Variants in NUP107 observed in about 807,000 individuals in gnomAD.
The protein encoded by NUP107 is nucleoporin 107.
Under a neutral mutation model 141.0 loss-of-function variants are expected in NUP107, and 101 were observed. That is an observed-to-expected ratio of 0.72 (90% CI 0.61 to 0.84). NUP107 has a LOEUF of 0.84. Among genes scored for constraint, NUP107 ranks in the 40% least tolerant of loss-of-function variants. The probability of loss-of-function intolerance (pLI) is 0.00; values close to 1 mark genes in which losing one functional copy is unlikely to be tolerated. For synonymous variants in NUP107, 319 were observed against 363.9 expected (o/e 0.88, Z 1.41); for missense variants, 941 against 1,102.7 (o/e 0.85, Z 2.08).
intron 14 of NUP107, among the ~76,000 whole-genome samples, chr12:68,720,635 C>T (rs921134791): frequency 6.6e-6 from 1 of 152,092 alleles, no homozygotes; most frequent in Admixed American, 6.6e-5. Context: ...GATAAGAAAA[C>T]TGGAAATACC....
chr12:68,730,422 T>C (rs1187880566), intron 20 of NUP107, among the ~76,000 whole-genome samples: 1 of 151,922 alleles, frequency 6.6e-6, no homozygotes, highest in East Asian at 1.9e-4. Flanking sequence ...TTTTGTCTTG[T>C]TGGCCAGGCT....
intron 26 of NUP107, among the ~76,000 whole-genome samples, chr12:68,736,769 C>G (rs1293661177): frequency 7.1e-6 from 1 of 140,282 alleles, no homozygotes; most frequent in Non-Finnish European, 1.5e-5. Flanking sequence ...GTCGCCCAGG[C>G]TGGAGTGCAA....
intron 26 of NUP107, among the ~76,000 whole-genome samples, chr12:68,735,714 C>A (rs1014083239): frequency 6.6e-6 from 1 of 152,126 alleles, no homozygotes; most frequent in African/African-American, 2.4e-5. Flanking sequence ...ATTTTAATGA[C>A]CTGGCAGACT....
intron 6 of NUP107, among the ~76,000 whole-genome samples, chr12:68,700,497 T>C (rs1876275856): frequency 6.6e-6 from 1 of 152,170 alleles, no homozygotes; most frequent in African/African-American, 2.4e-5. Context: ...AAATCAAGAG[T>C]ATGTTAGACT....
chr12:68,713,773 T>TA lies in NUP107; in HGVS notation c.935dup (p.Tyr312Ter), dbSNP rs1227949906. The TA allele has an allele frequency of 6.2e-7, 1 of 1,611,138 alleles. No individual in the cohort carries two copies. The highest frequency in any genetic ancestry group is 2.2e-5 in the East Asian group (1 of 44,728). The change falls in exon 11 of 28, where the codon TAC (tyrosine) becomes TAAC (stop). Residue 312 changes from tyrosine to a stop codon, truncating the protein, a stop_gained and frameshift_variant. Coordinates refer to ENST00000229179, the MANE Select transcript of NUP107 (RefSeq NM_020401.4). LOFTEE classifies it high-confidence loss of function. ...HTLKQRQLTS[Y>*]VGSVRPLVTE... ...CTTAAAACAACGGCAGCTGACTTCTTACGTTGGAAGTGTTCGTCCGCTTGT... is the reference window on the plus strand; with the variant it reads ...CTTAAAACAACGGCAGCTGACTTCTTAACGTTGGAAGTGTTCGTCCGCTTGT...
At chr12:68,734,622 G>A in intron 24 of NUP107, 86 bp from the exon 25 acceptor site, 2 of 1,044,456 alleles carry the variant, frequency 1.9e-6, no homozygotes, top group Non-Finnish European at 2.7e-6. Context: ...TTATTTCTAA[G>A]AATCAAATGT....
rs1878437983 is a variant in NUP107, at chr12:68,744,409, A to T, written c.*1947A>T. 1 of 152,102 alleles carries T rather than the reference A, an allele frequency of 6.6e-6. No homozygotes were observed. The highest frequency in any genetic ancestry group is 1.5e-5 in the Non-Finnish European group (1 of 68,020). 9.4% of individuals were successfully genotyped at this position (152,102 alleles called of 1,614,324 possible). ...TTATTTATTTATTTATTTTTGAGAC[A>T]TGGTCTTGCTCTGTCTCCCAGGCCG... is the stretch of plus-strand genomic sequence containing the variant. On this transcript the variant is annotated 3_prime_UTR_variant, in exon 28 of 28. Transcript: ENST00000229179.
intron 26 of NUP107, among the ~76,000 whole-genome samples, chr12:68,739,146 C>A (rs887751909): frequency 6.6e-6 from 1 of 152,074 alleles, no homozygotes; most frequent in Non-Finnish European, 1.5e-5. Flanking sequence ...CTTTCAAGAA[C>A]CTCTCCCCAA....
intron 4 of NUP107, among the ~76,000 whole-genome samples, chr12:68,691,498 A>G (rs1346999794): frequency 6.6e-6 from 1 of 152,206 alleles, no homozygotes; most frequent in East Asian, 1.9e-4. Flanking sequence ...AAGAAATGTT[A>G]TGTAAGCTGT....
chr12:68,690,517 A>G (rs1875729080), intron 3 of NUP107, 114 bp from the exon 4 acceptor site: 3 of 1,243,900 alleles, frequency 2.4e-6, no homozygotes, highest in Non-Finnish European at 3.4e-6. Flanking sequence ...ATTTGGTTAG[A>G]GTCTAAATAA....
rs963511613 is a variant in NUP107 at position 68,715,663 on chromosome 12, G to A, written c.1006G>A (p.Asp336Asn). ...TCCCATAAGACAGAAAATGCCCCTT[G>A]ATGATCTGGATAGAGAAGATGAAGT... is the stretch of plus-strand genomic sequence containing the variant. ...DAPIRQKMPL[D>N]DLDREDEVRL... Residue 336 changes from aspartate (D) to asparagine (N), a missense_variant, in exon 12 of 28, where the codon GAT becomes AAT. By Grantham distance (23) the Asp-to-Asn change is conservative. Transcript: ENST00000229179. The A allele has an allele frequency of 3.1e-6, 5 of 1,613,092 alleles. No individual in the cohort carries two copies. The highest frequency in any genetic ancestry group is 2.2e-5 in the South Asian group (2 of 91,050).
intron 14 of NUP107, among the ~76,000 whole-genome samples, chr12:68,720,001 G>T (rs1193203371): frequency 1.3e-5 from 2 of 152,174 alleles, no homozygotes; most frequent in African/African-American, 4.8e-5. Flanking sequence ...GGAATTCCAG[G>T]TAGGATACAT....
chr12:68,700,155 C>T (rs1257355598), intron 6 of NUP107, among the ~76,000 whole-genome samples: 16 of 152,094 alleles, frequency 1.1e-4, no homozygotes, highest in African/African-American at 3.9e-4. Flanking sequence ...CCACCTGTCT[C>T]GGCCTCCCAA....
At position 68,702,754 on chromosome 12, in the gene NUP107, AT is replaced by A; in HGVS notation, c.701del (p.Leu234Ter). ...SLYRDRIQSA[L>X]EEESVFAVTA... is the part of the protein sequence containing the mutation. ...TCCCCAGAGACAGAATACAGTCTGC[AT>A]TAGAAGAGGAAAGTGTATTCGCAGT... On this transcript the variant is annotated frameshift_variant, in exon 8 of 28. Transcript: ENST00000229179. LOFTEE classifies it high-confidence loss of function. The A allele has an allele frequency of 1.9e-6, 3 of 1,549,640 alleles. No homozygotes were observed. The highest frequency in any genetic ancestry group is 2.6e-6 in the Non-Finnish European group (3 of 1,145,918).
At chr12:68,713,890 T>A in intron 11 of NUP107, 82 bp downstream of exon 11, 1 of 1,096,556 alleles carries the variant, frequency 9.1e-7, no homozygotes, top group Non-Finnish European at 1.4e-6. Context: ...TCGTGGATCT[T>A]TGTTTTGCTC....
chr12:68,714,440 G>A (rs567496521), intron 11 of NUP107: 1 of 152,324 alleles, frequency 6.6e-6, no homozygotes, highest in East Asian at 1.9e-4. Context: ...GGCAACAGCT[G>A]AAAATCGTTT....
intron 5 of NUP107, among the ~76,000 whole-genome samples, chr12:68,693,576 C>T (rs1875917797): frequency 6.6e-6 from 1 of 152,174 alleles, no homozygotes; most frequent in South Asian, 2.1e-4. Context: ...TTCTCTGAAG[C>T]CTCTTCTCTT....
At chr12:68,709,806 G>GCT (rs1876762322) in intron 9 of NUP107, among the ~76,000 whole-genome samples, 199 bp from the exon 10 acceptor site, 4 of 151,662 alleles carry the variant, frequency 2.6e-5, no homozygotes, top group Non-Finnish European at 4.4e-5. Flanking sequence ...GGAGAATGAC[G>GCT]TGAACCCAGG....
At chr12:68,728,094 G>C (rs1181759065) in intron 20 of NUP107, among the ~76,000 whole-genome samples, 2 of 152,028 alleles carry the variant, frequency 1.3e-5, no homozygotes, top group Non-Finnish European at 2.9e-5. Context: ...ATCAGCCTGG[G>C]CAACATAGGG....
Sources: allele counts gnomAD v4.1 joint callset (sites outside exome capture counted in the v4.1 genomes callset), GRCh38; gene constraint gnomAD v4.1.1; transcripts MANE v1.5; gene names NCBI Gene and HGNC (gene_info 2026-07-23, HGNC 2026-07-21).